The following TDRD12 variants were observed in gnomAD, a reference collection of about 807,000 sequenced individuals.
TDRD12 encodes the protein putative ATP-dependent RNA helicase TDRD12.
Under a neutral mutation model 133.5 loss-of-function variants are expected in TDRD12, and 158 were observed. The ratio of observed to expected loss-of-function variants is 1.18; its 90% CI spans 1.04 to 1.35. The LOEUF (loss-of-function observed/expected upper bound fraction) is 1.35, where lower values mean the gene tolerates loss of function less well. Ranked by LOEUF, TDRD12 falls within the 40% of genes most tolerant of loss-of-function variation. TDRD12 has a pLI of 0.00. For missense variants in TDRD12, 1,443 were observed against 1,321.3 expected (o/e 1.09, Z -1.43); for synonymous variants, 460 against 477.9 (o/e 0.96, Z 0.49).
chr19:32,739,920 T>C (rs1969360156), intron 3 of TDRD12, among the ~76,000 whole-genome samples: 1 of 142,898 alleles, frequency 7.0e-6, no homozygotes, highest in African/African-American at 2.6e-5. Flanking sequence ...TCCTGGGTAC[T>C]CTCTGCATCT....
At chr19:32,726,238 G>A (rs959345918) in intron 1 of TDRD12, among the ~76,000 whole-genome samples, 7 of 151,704 alleles carry the variant, frequency 4.6e-5, no homozygotes, top group Non-Finnish European at 2.9e-5. Context: ...CCACCACCAC[G>A]CCTGGCTAAT....
chr19:32,738,823 A>G, intron 2 of TDRD12, 33 bp from the exon 3 acceptor site: 8 of 1,544,696 alleles, frequency 5.2e-6, no homozygotes, highest in Non-Finnish European at 7.0e-6. Flanking sequence ...AAAAAAATAA[A>G]TAAATAAAAA....
chr19:32,786,116 G>C (rs1052489153), intron 11 of TDRD12, among the ~76,000 whole-genome samples: 3 of 152,162 alleles, frequency 2.0e-5, no homozygotes, highest in Non-Finnish European at 4.4e-5. Flanking sequence ...CTCTTGGAAG[G>C]CAGGCCTGGT....
chr19:32,795,092 T>C (rs973263973), intron 14 of TDRD12, among the ~76,000 whole-genome samples: 6 of 152,034 alleles, frequency 3.9e-5, no homozygotes. Context: ...CCCAGCACTT[T>C]GGGAGGCCGA....
At chr19:32,807,267 TAAAAAAAAAAAA>T (rs59421213) in intron 21 of TDRD12, among the ~76,000 whole-genome samples, 668 of 47,234 alleles carry the variant, frequency 0.014, 8 homozygotes, top group African/African-American at 0.076. Flanking sequence ...ACCAAACTCT[TAAAAAAAAAAAA>T]AAAAAAAAAA....
intron 1 of TDRD12, among the ~76,000 whole-genome samples, chr19:32,727,499 T>C (rs1392423241): frequency 6.6e-6 from 1 of 152,196 alleles, no homozygotes; most frequent in South Asian, 2.1e-4. Context: ...TTTTTTCTTT[T>C]GTTGCCTGTG....
At chr19:32,747,763 C>A (rs144555943) in intron 4 of TDRD12, among the ~76,000 whole-genome samples, 86 of 152,276 alleles carry the variant, frequency 5.6e-4, no homozygotes, top group African/African-American at 2.0e-3. Context: ...AATCCCAGCA[C>A]TTTGGGAGGC....
intron 6 of TDRD12, among the ~76,000 whole-genome samples, chr19:32,753,250 G>A (rs1239850331): frequency 6.6e-6 from 1 of 152,172 alleles, no homozygotes; most frequent in Non-Finnish European, 1.5e-5. Flanking sequence ...GTATGTACTT[G>A]CTCCCATGCA....
exon 21 of TDRD12, chr19:32,803,091 A>G (rs1208766118): frequency 7.2e-6 from 11 of 1,535,486 alleles, no homozygotes; most frequent in Non-Finnish European, 8.7e-6. Flanking sequence ...AAAGAAGATA[A>G]GAAAGCCGGA....
chr19:32,740,565 TCTC>T (rs774109912), intron 3 of TDRD12, among the ~76,000 whole-genome samples: 3 of 152,208 alleles, frequency 2.0e-5, no homozygotes, highest in African/African-American at 4.8e-5. Context: ...TCTCTCTGCA[TCTC>T]CTGCGTTCTC....
chr19:32,821,646 G>A (rs539850722), downstream of TDRD12, among the ~76,000 whole-genome samples: 83 of 152,294 alleles, frequency 5.4e-4, 1 homozygote, highest in Middle Eastern at 6.8e-3. Flanking sequence ...TAAGAGTGTT[G>A]GGATTATAGG....
At chr19:32,766,544 C>G (rs774358575) in intron 8 of TDRD12, among the ~76,000 whole-genome samples, 1 of 152,026 alleles carries the variant, frequency 6.6e-6, no homozygotes, top group Non-Finnish European at 1.5e-5. Flanking sequence ...GTTCCCTTTA[C>G]CCTATTTTTT....
chr19:32,778,000 G>A (rs550281639), intron 11 of TDRD12, among the ~76,000 whole-genome samples: 42 of 148,362 alleles, frequency 2.8e-4, no homozygotes, highest in Non-Finnish European at 5.8e-4. Context: ...CATGACCACA[G>A]CTTCCAGCCT....
At chr19:32,821,369 AGTGTGTGTGTGTGTGTGTGTGTGTGTGT>A (rs59054756), downstream of TDRD12, 7 of 351,484 alleles carry the variant, frequency 2.0e-5, no homozygotes, top group South Asian at 7.5e-5. Context: ...AGCTCAGCAG[AGTGTGTGTGTGTGTGTGTGTGTGTGTGT>A]GTGTGTGTGT....
chr19:32,771,605 T>G lies in TDRD12; in HGVS notation c.866-1148T>G, dbSNP rs545952100. Among the ~76,000 whole-genome samples the G allele has an allele frequency of 2.1e-3, 315 of 152,080 alleles. 3 individuals carry two copies. Among genetic ancestry groups the G allele is most frequent in the African/African-American group, 7.4e-3 (305 of 41,476 alleles). ...CAATCTCCTTTTTTTTTTTTTTAAC[T>G]CTTTATGATGGCATTGAACTACTTT... On this transcript the variant is annotated intron_variant, in intron 8 of 27. Coordinates refer to ENST00000444215, the Ensembl canonical transcript of TDRD12.
chr19:32,805,220 CATAT>C lies in TDRD12; in HGVS notation c.2552+2090_2552+2093del, dbSNP rs3043502. On this transcript the variant is annotated intron_variant, in intron 21 of 27. Coordinates refer to ENST00000444215, the Ensembl canonical transcript of TDRD12. ...ATATACACACACACACACACACACA[CATAT>C]ATATATATATAAGCCAGCTGTGGTG... Among the ~76,000 whole-genome samples the C allele has an allele frequency of 2.4e-3, 325 of 134,902 alleles. 2 individuals carry two copies. Among genetic ancestry groups the C allele is most frequent in the African/African-American group, 8.7e-3 (295 of 33,768 alleles). 88.5% of individuals were successfully genotyped at this position (134,902 alleles called of 152,430 possible).
intron 13 of TDRD12, among the ~76,000 whole-genome samples, chr19:32,791,572 C>G (rs573283143): frequency 1.3e-5 from 2 of 152,110 alleles, no homozygotes; most frequent in Non-Finnish European, 2.9e-5. Flanking sequence ...TGGACAGATT[C>G]CACAGTCTTA....
intron 18 of TDRD12, among the ~76,000 whole-genome samples, chr19:32,801,203 G>GAA (rs752620387): frequency 4.9e-5 from 5 of 102,122 alleles, no homozygotes; most frequent in South Asian, 2.9e-4. Flanking sequence ...CTGTCTCTAC[G>GAA]AAAAAAAAAA....
chr19:32,758,413 A>G (rs888500699), intron 8 of TDRD12, among the ~76,000 whole-genome samples: 2 of 152,318 alleles, frequency 1.3e-5, no homozygotes, highest in Non-Finnish European at 2.9e-5. Flanking sequence ...ATATGAAATA[A>G]GTGAAAGGTA....
Sources: allele counts gnomAD v4.1 joint callset (sites outside exome capture counted in the v4.1 genomes callset), GRCh38; gene constraint gnomAD v4.1.1; transcripts MANE v1.5; gene names NCBI Gene and HGNC (gene_info 2026-07-23, HGNC 2026-07-21).